SGIP1: variants seen among roughly 807,000 people sequenced by gnomAD.
The protein encoded by SGIP1 is SH3-containing GRB2-like protein 3-interacting protein 1.
SGIP1 carries 38 observed loss-of-function variants against 107.5 expected under a neutral mutation model. The observed-to-expected ratio is 0.35, with a 90% confidence interval of 0.27 to 0.46. The LOEUF (loss-of-function observed/expected upper bound fraction) is 0.46, where lower values mean the gene tolerates loss of function less well. Ranked by LOEUF, SGIP1 falls within the 20% of genes least tolerant of loss-of-function variation. The pLI, the probability that SGIP1 is intolerant of heterozygous loss-of-function variation, is 1.00. For synonymous variants in SGIP1, 365 were observed against 366.1 expected (o/e 1.00, Z 0.03); for missense variants, 929 against 1,019.5 (o/e 0.91, Z 1.21).
At position 66,689,223 on chromosome 1, in the gene SGIP1, G is replaced by T; in HGVS notation, c.1391G>T (p.Arg464Leu). The change falls in exon 16 of 25, where the codon CGG becomes CTG. Residue 464 changes from arginine to leucine, a missense_variant. Physicochemically the swap from Arg to Leu is moderately radical, Grantham distance 102 (BLOSUM62 -2). Around this residue, in one of 2 missense-constraint regions of SGIP1, gnomAD observed 588 missense variants for 588.6 expected, o/e 1.00. Coordinates refer to ENST00000371037, the MANE Select transcript of SGIP1 (RefSeq NM_032291.4). ...RSTTPPPPPPRPPSRPKLPPG... is the reference protein window; with the variant it reads ...RSTTPPPPPPLPPSRPKLPPG... The stretch of plus-strand genomic sequence containing the variant: ...ACCACTCCACCTCCACCTCCTCCCC[G>T]GCCTCCATCCCGGCCAAAGCTACCT... The T allele has an allele frequency of 6.2e-7, 1 of 1,613,652 alleles. No homozygotes were observed. Among genetic ancestry groups the T allele is most frequent in the Non-Finnish European group, 8.5e-7 (1 of 1,179,820 alleles).
At chr1:66,541,998 G>A (rs1293391971) in intron 1 of SGIP1, among the ~76,000 whole-genome samples, 2 of 152,094 alleles carry the variant, frequency 1.3e-5, no homozygotes, top group African/African-American at 2.4e-5. Flanking sequence ...GTGGTAGAAA[G>A]AATAAGTACG....
Position 66,743,786 on chromosome 1 carries a change from G to A in SGIP1, c.*691G>A, listed in dbSNP as rs1461627504. ...CATAAAAATGCAAACTGTGTAAACA[G>A]GGCCTCTTATTTTTATAACTTGTGT... On this transcript the variant is annotated 3_prime_UTR_variant, in exon 25 of 25. Transcript: ENST00000371037. 1.3e-5 allele frequency: 2 copies of A among 152,474 alleles called. No individual in the cohort carries two copies. The highest frequency in any genetic ancestry group is 2.9e-5 in the Non-Finnish European group (2 of 67,982). 9.4% of individuals were successfully genotyped at this position (152,474 alleles called of 1,614,324 possible). A position where few individuals can be genotyped will look rare whatever the true frequency, so the allele number is the denominator to read the frequency against.
Position 66,643,711 on chromosome 1 carries a change from T to A in SGIP1, c.451T>A (p.Ser151Thr), listed in dbSNP as rs763391918. The change falls in exon 7 of 25, where the codon TCA becomes ACA. Residue 151 changes from serine to threonine, a missense_variant. By Grantham distance (58) the Ser-to-Thr change is moderately conservative. Transcript: ENST00000371037. ...ASIGNIALSPSPVRKSPRRSP... is the reference protein window; with the variant it reads ...ASIGNIALSPTPVRKSPRRSP... ...AATAGGCAACATCGCACTTTCCCCA[T>A]CACCAGTGGTGAGTGTTGTGTGTGT... 1 of 1,607,592 alleles carries A rather than the reference T, an allele frequency of 6.2e-7. No homozygotes were observed. The highest frequency in any genetic ancestry group is 1.7e-5 in the Admixed American group (1 of 58,818).
intron 2 of SGIP1, among the ~76,000 whole-genome samples, chr1:66,631,928 T>C (rs2074850836): frequency 6.6e-6 from 1 of 152,176 alleles, no homozygotes; most frequent in South Asian, 2.1e-4. Context: ...AAAACTGAAT[T>C]AAAATGGGAG....
rs371229368 is a variant in SGIP1, at chr1:66,672,024, T to C, written c.560+29T>C. On this transcript the variant is annotated intron_variant, in intron 11 of 24. Coordinates refer to ENST00000371037, the MANE Select transcript of SGIP1 (RefSeq NM_032291.4). ...AGTGTGAAAGACATTAGTTGTGTTT[T>C]ATGCAAGGCATCATGAACTTTTAAC... is the stretch of plus-strand genomic sequence containing the variant. The C allele has an allele frequency of 5.6e-6, 9 of 1,607,980 alleles. No individual in the cohort carries two copies. In the African/African-American group the frequency reaches 1.2e-4, roughly 21 times the overall value.
chr1:66,570,701 A>G (rs954723110), intron 1 of SGIP1, among the ~76,000 whole-genome samples: 1 of 151,960 alleles, frequency 6.6e-6, no homozygotes, highest in Non-Finnish European at 1.5e-5. Context: ...AGCAAAACAT[A>G]TGTAGTTCCC....
At chr1:66,580,749 CAAT>C (rs2061702041) in intron 1 of SGIP1, among the ~76,000 whole-genome samples, 1 of 152,032 alleles carries the variant, frequency 6.6e-6, no homozygotes, top group African/African-American at 2.4e-5. Context: ...AGTAGGTACT[CAAT>C]AAATGTTTTG....
At chr1:66,623,056 A>C (rs1391925534) in intron 1 of SGIP1, among the ~76,000 whole-genome samples, 1 of 152,164 alleles carries the variant, frequency 6.6e-6, no homozygotes, top group East Asian at 1.9e-4. Flanking sequence ...ATGAATTCTC[A>C]AAAGACATGA....
At chr1:66,544,451 C>T (rs536279437) in intron 1 of SGIP1, among the ~76,000 whole-genome samples, 1 of 152,090 alleles carries the variant, frequency 6.6e-6, no homozygotes, top group Admixed American at 6.5e-5. Context: ...TTAGGGAGGC[C>T]GAGGTAGGTG....
rs150405448 is a variant in SGIP1, at chr1:66,571,788, A to G, written c.10+37420A>G. On this transcript the variant is annotated intron_variant, in intron 1 of 24. Transcript: ENST00000371037. ...TCCCCATGATTCTTCCTTGCTTAAC[A>G]TTCCTTTTCCTAAACCCACCATATG... 5.1e-3 allele frequency among the ~76,000 whole-genome samples: 776 copies of G among 152,030 alleles called. 1 individual carries two copies. Among genetic ancestry groups the G allele is most frequent in the Non-Finnish European group, 7.1e-3 (481 of 67,942 alleles).
At chr1:66,581,714 T>C (rs1253913087) in intron 1 of SGIP1, among the ~76,000 whole-genome samples, 2 of 152,022 alleles carry the variant, frequency 1.3e-5, no homozygotes, top group Admixed American at 1.3e-4. Flanking sequence ...CCAAATTAAG[T>C]TTTATTTTGT....
At chr1:66,574,248 C>T (rs2060756534) in intron 1 of SGIP1, among the ~76,000 whole-genome samples, 1 of 152,034 alleles carries the variant, frequency 6.6e-6, no homozygotes, top group Non-Finnish European at 1.5e-5. Flanking sequence ...TTGGGAGTAC[C>T]CCATATCACT....
At chr1:66,607,924 G>T (rs1335998676) in intron 1 of SGIP1, among the ~76,000 whole-genome samples, 1 of 152,178 alleles carries the variant, frequency 6.6e-6, no homozygotes, top group African/African-American at 2.4e-5. Context: ...TCCCAGGAGT[G>T]CTGGGAGAGG....
chr1:66,549,149 TC>T (rs2056983552), intron 1 of SGIP1, among the ~76,000 whole-genome samples: 1 of 95,548 alleles, frequency 1.0e-5, no homozygotes, highest in African/African-American at 4.4e-5. Context: ...CTTCCTTCCT[TC>T]CTTCCTTCCT....
intron 1 of SGIP1, among the ~76,000 whole-genome samples, chr1:66,545,616 G>C (rs1010468781): frequency 6.9e-6 from 1 of 145,668 alleles, no homozygotes. Context: ...CAGAGAGACA[G>C]AACTGAACAA....
At chr1:66,696,690 G>A (rs933317324) in intron 18 of SGIP1, among the ~76,000 whole-genome samples, 1 of 152,152 alleles carries the variant, frequency 6.6e-6, no homozygotes, top group South Asian at 2.1e-4. Context: ...CTGATTTCCT[G>A]AACTAGCCTG....
chr1:66,739,819 G>A lies in SGIP1; in HGVS notation c.2234+282G>A, dbSNP rs1039120870. On this transcript the variant is annotated intron_variant, in intron 22 of 24. Coordinates refer to ENST00000371037, the MANE Select transcript of SGIP1 (RefSeq NM_032291.4). ...GCCTGCCACAATCCCGGGAAGGAGAGAAAGTAGAAGGCTACCGGTAGAACC... is the reference window on the plus strand; with the variant it reads ...GCCTGCCACAATCCCGGGAAGGAGAAAAAGTAGAAGGCTACCGGTAGAACC... Among the ~76,000 whole-genome samples, 5 of 152,236 alleles carry A rather than the reference G, an allele frequency of 3.3e-5. No individual in the cohort carries two copies. The South Asian group carries it at 1.0e-3, about 32-fold the overall frequency.
chr1:66,651,527 T>C (rs1293263563), intron 7 of SGIP1, among the ~76,000 whole-genome samples: 2 of 150,810 alleles, frequency 1.3e-5, no homozygotes, highest in African/African-American at 4.9e-5. Context: ...CAAAATATTT[T>C]ACATACAATT....
intron 12 of SGIP1, among the ~76,000 whole-genome samples, chr1:66,674,341 C>G (rs537490199): frequency 6.6e-6 from 1 of 152,088 alleles, no homozygotes; most frequent in Non-Finnish European, 1.5e-5. Flanking sequence ...AAAATCAGCT[C>G]TCTATAAAAT....
Sources: gnomAD v4.1 joint callset for allele counts (sites outside exome capture counted in the v4.1 genomes callset) on GRCh38, gnomAD v4.1.1 for gene constraint, gnomAD v4.1.1 regional missense constraint, MANE v1.5 for transcripts, NCBI Gene and HGNC (gene_info 2026-07-23, HGNC 2026-07-21) for gene names.